SENP1: variants seen among roughly 807,000 people sequenced by gnomAD.
SENP1 encodes SUMO specific peptidase 1, also known as sentrin-specific protease 1.
In SENP1, 21 loss-of-function variants were observed where a neutral mutation model predicts 93.0. The observed-to-expected ratio is 0.23, with a 90% CI of 0.16 to 0.33. The LOEUF is 0.33. SENP1 is among the 10% of genes least tolerant of loss of function. SENP1 has a pLI of 1.00. For missense variants in SENP1, 591 were observed against 758.7 expected, an observed-to-expected ratio of 0.78 and a Z score of 2.60; for synonymous variants, 256 against 259.6, an observed-to-expected ratio of 0.99 and a Z score of 0.13.
chr12:48,078,342 C>CAT lies in SENP1; in HGVS notation c.553-3551_553-3550dup, dbSNP rs1221230274. ...TTATATATATATATATATACACACA[C>CAT]ATATATATATACACACACACACATA... On this transcript the variant is annotated intron_variant, in intron 6 of 17. Coordinates refer to ENST00000549518, the MANE Select transcript of SENP1 (RefSeq NM_001267594.2). Among the ~76,000 whole-genome samples, 12 of 21,534 alleles carry CAT rather than the reference C, an allele frequency of 5.6e-4. 1 individual carries two copies. In the South Asian group the frequency reaches 7.0e-3, roughly 13 times the overall value. 14.1% of individuals were successfully genotyped at this position (21,534 alleles called of 152,430 possible).
At chr12:48,053,887 T>C (rs1271488377) in intron 13 of SENP1, among the ~76,000 whole-genome samples, 5 of 152,174 alleles carry the variant, frequency 3.3e-5, no homozygotes, top group East Asian at 1.9e-4. Flanking sequence ...GCTTTTCCAA[T>C]TGGAAACAAC....
rs5798058 is a variant in SENP1, at chr12:48,051,082, GA to G, written c.1408-1951del. On this transcript the variant is annotated intron_variant, in intron 13 of 17. Coordinates refer to ENST00000549518, the MANE Select transcript of SENP1 (RefSeq NM_001267594.2). ...ACCTCTGGAATCGTAAGTCTGAAGT[GA>G]AAAAAAAAAAAAAGAATGACATAAA... Among the ~76,000 whole-genome samples, 562 of 131,370 alleles carry G rather than the reference GA, an allele frequency of 4.3e-3. 1 individual carries two copies. Among genetic ancestry groups the G allele is most frequent in the Non-Finnish European group, 5.0e-3 (302 of 60,062 alleles). 86.2% of individuals were successfully genotyped at this position (131,370 alleles called of 152,430 possible).
At position 48,073,971 on chromosome 12, in the gene SENP1, A is replaced by G. The variant is rs564337969; in HGVS notation, c.940+353T>C. 6.6e-5 allele frequency among the ~76,000 whole-genome samples: 10 copies of G among 152,342 alleles called. No homozygotes were observed. In the East Asian group the frequency reaches 1.7e-3, roughly 26 times the overall value. On this transcript the variant is annotated intron_variant, in intron 8 of 17. Coordinates refer to ENST00000549518, the MANE Select transcript of SENP1 (RefSeq NM_001267594.2). ...TACTCACAGCATGGTTAACTGAATC[A>G]TATGTATTTAAAGTATGTAAGTACA...
intron 13 of SENP1, among the ~76,000 whole-genome samples, chr12:48,061,181 T>C (rs1245307010): frequency 6.6e-6 from 1 of 152,190 alleles, no homozygotes; most frequent in East Asian, 1.9e-4. Context: ...ATATTACTTT[T>C]TAACTCTGAA....
intron 5 of SENP1, 120 bp from the exon 6 acceptor site, chr12:48,083,882 T>C (rs1944654987): frequency 1.5e-6 from 1 of 655,598 alleles, no homozygotes; most frequent in Non-Finnish European, 2.5e-6. Flanking sequence ...AAATAATAGG[T>C]TTCCCATTTG....
chr12:48,091,685 A>ATT (rs201184027), intron 4 of SENP1, among the ~76,000 whole-genome samples: 6 of 151,280 alleles, frequency 4.0e-5, no homozygotes, highest in Admixed American at 1.3e-4. Context: ...AGGGTTAAAC[A>ATT]TTTTTTTTTC....
intron 9 of SENP1, among the ~76,000 whole-genome samples, chr12:48,068,043 A>C (rs11168382): frequency 6.6e-6 from 1 of 151,362 alleles, no homozygotes; most frequent in East Asian, 1.9e-4. Context: ...TCTTTTTTTT[A>C]TTTTTATTTT....
intron 4 of SENP1, among the ~76,000 whole-genome samples, chr12:48,095,535 C>CCA (rs760623202): frequency 1.2e-5 from 1 of 85,882 alleles, no homozygotes; most frequent in African/African-American, 4.9e-5. Context: ...GACTCTGTGT[C>CCA]AAAAAAAAAA....
intron 8 of SENP1, among the ~76,000 whole-genome samples, chr12:48,072,230 T>C (rs1435533851): frequency 6.6e-6 from 1 of 152,220 alleles, no homozygotes; most frequent in Non-Finnish European, 1.5e-5. Flanking sequence ...CATGAAATCA[T>C]CCCTTTGTCC....
rs749979647 is a variant in SENP1, at chr12:48,098,116, C to A, written c.13G>T (p.Ala5Ser). The A allele has an allele frequency of 1.9e-6, 3 of 1,613,324 alleles. No homozygotes were observed. Among genetic ancestry groups the A allele is most frequent in the African/African-American group, 2.7e-5 (2 of 75,036 alleles). Residue 5 changes from alanine (A) to serine (S), a missense_variant, in exon 3 of 18, where the codon GCT (alanine) becomes TCT (serine). Ala to Ser is a moderately conservative substitution (Grantham distance 99). Around this residue, in one of 4 missense-constraint regions of SENP1, gnomAD observed 214 missense variants for 243.4 expected, o/e 0.88. Coordinates refer to ENST00000549518, the MANE Select transcript of SENP1 (RefSeq NM_001267594.2). ...CCAGCATCCATCCTCATCCTATCAGCAATATCATCTGGGGAGACAGTCTGG... is the reference window on the plus strand; with the variant it reads ...CCAGCATCCATCCTCATCCTATCAGAAATATCATCTGGGGAGACAGTCTGG... MDDI[A>S]DRMRMDAGEV...
At chr12:48,076,143 C>G (rs1419080769) in intron 6 of SENP1, among the ~76,000 whole-genome samples, 1 of 152,172 alleles carries the variant, frequency 6.6e-6, no homozygotes, top group Non-Finnish European at 1.5e-5. Flanking sequence ...AGTAATATGC[C>G]CTGGCAATTT....
intron 2 of SENP1, among the ~76,000 whole-genome samples, chr12:48,101,073 G>C (rs1652476662): frequency 1.3e-5 from 2 of 152,246 alleles, no homozygotes; most frequent in Middle Eastern, 3.4e-3. Context: ...ATCACCTGAG[G>C]TCAGGGGTTT....
chr12:48,056,541 T>A (rs1306050946), intron 13 of SENP1, among the ~76,000 whole-genome samples: 2 of 56,448 alleles, frequency 3.5e-5, no homozygotes, highest in African/African-American at 2.4e-4. Context: ...ATAAATATAT[T>A]ATTTAATATA....
chr12:48,085,715 CAAAAAAAAA>C (rs200416260), intron 5 of SENP1, among the ~76,000 whole-genome samples: 23,360 of 116,366 alleles, frequency 0.2, 2,185 homozygotes, highest in East Asian at 0.3. Flanking sequence ...TTGCTTCTCT[CAAAAAAAAA>C]AAAAAAAAAA....
At chr12:48,097,087 G>C (rs1431874871) in intron 3 of SENP1, among the ~76,000 whole-genome samples, 1 of 152,082 alleles carries the variant, frequency 6.6e-6, no homozygotes, top group East Asian at 1.9e-4. Context: ...GAAAAAAACA[G>C]GCAAAATATT....
chr12:48,049,178 C>A (rs778071181), intron 13 of SENP1, 46 bp from the exon 14 acceptor site: 15 of 1,463,686 alleles, frequency 1.0e-5, no homozygotes, highest in Non-Finnish European at 1.4e-5. Flanking sequence ...TCAGGCCTAG[C>A]CTTTCAAAAT....
chr12:48,071,773 C>T (rs1057184921), intron 8 of SENP1, 52 bp from the exon 9 acceptor site: 1 of 1,223,034 alleles, frequency 8.2e-7, no homozygotes, highest in Non-Finnish European at 1.2e-6. Context: ...CAAAGTTATA[C>T]TTTCTAGATA....
In SENP1 at chr12:48,065,658, C is replaced by T; in HGVS notation, c.1057G>A (p.Ala353Thr). ...KELTSVYDSR[A>T]RERLRQIEEQ... ...TCAATCTGGCGCAATCTTTCTCGTG[C>T]TCGAGAATCATAAACACTAGTTCTA... Residue 353 changes from alanine (A) to threonine (T), a missense_variant, in exon 11 of 18, where the codon GCA (alanine) becomes ACA (threonine). Ala to Thr is a moderately conservative substitution (Grantham distance 58). Around this residue, in one of 4 missense-constraint regions of SENP1, gnomAD observed 238 missense variants for 259.1 expected, o/e 0.92. Transcript: ENST00000549518. 1 of 1,559,576 alleles carries T rather than the reference C, an allele frequency of 6.4e-7. No homozygotes were observed. Among genetic ancestry groups the T allele is most frequent in the South Asian group, 1.2e-5 (1 of 84,640 alleles).
intron 13 of SENP1, among the ~76,000 whole-genome samples, chr12:48,058,121 T>C (rs1211218716): frequency 6.6e-6 from 1 of 151,424 alleles, no homozygotes; most frequent in Non-Finnish European, 1.5e-5. Flanking sequence ...AATTTTTGTA[T>C]TTTTTGTAGA....
Sources: gnomAD v4.1 joint callset for allele counts (sites outside exome capture counted in the v4.1 genomes callset) on GRCh38, gnomAD v4.1.1 for gene constraint, gnomAD v4.1.1 regional missense constraint, MANE v1.5 for transcripts, NCBI Gene and HGNC (gene_info 2026-07-23, HGNC 2026-07-21) for gene names.